Variants in MCUB observed in about 807,000 individuals in gnomAD.
MCUB encodes the protein mitochondrial calcium uniporter dominant negative subunit beta.
In MCUB, 46 loss-of-function variants were observed where a neutral mutation model predicts 41.4. The observed-to-expected ratio is 1.11, with a 90% CI of 0.88 to 1.42. MCUB has a LOEUF of 1.42. Ranked by LOEUF, MCUB falls within the 40% of genes most tolerant of loss-of-function variation. The pLI is 0.00. For missense variants in MCUB, 403 were observed against 404.9 expected, an observed-to-expected ratio of 1.00 and a Z score of 0.04; for synonymous variants, 148 against 148.2, an observed-to-expected ratio of 1.00 and a Z score of 0.01.
chr4:109,575,697 G>A (rs1208143308), intron 1 of MCUB, among the ~76,000 whole-genome samples: 1 of 152,078 alleles, frequency 6.6e-6, no homozygotes, highest in East Asian at 1.9e-4. Flanking sequence ...CCACCTTAAT[G>A]TATCTTTCAC....
chr4:109,629,358 A>G (rs1353969606), intron 1 of MCUB, among the ~76,000 whole-genome samples: 1 of 152,114 alleles, frequency 6.6e-6, no homozygotes, highest in Non-Finnish European at 1.5e-5. Flanking sequence ...TGTTTTTTCT[A>G]TTGTCTTAAC....
At position 109,687,541 on chromosome 4, in the gene MCUB, T is replaced by C. The variant is rs1348834004; in HGVS notation, c.960T>C (p.Arg320=). The C allele has an allele frequency of 1.2e-6, 2 of 1,612,968 alleles. No homozygotes were observed. Among genetic ancestry groups the C allele is most frequent in the Non-Finnish European group, 8.5e-7 (1 of 1,179,166 alleles). Residue 320 remains arginine (R), a synonymous_variant, in exon 8 of 8, where the codon CGT becomes CGC. Transcript: ENST00000394650. ...CTAAAGAATCCCTGAAACAGGCGCG[T>C]CATTCTCTCTGTTTGCAAATGCAAG... ...AKAKESLKQA[R]HSLCLQMQVE... is the part of the protein sequence containing the mutation.
At chr4:109,580,626 G>A (rs374402471) in intron 1 of MCUB, among the ~76,000 whole-genome samples, 1 of 152,160 alleles carries the variant, frequency 6.6e-6, no homozygotes, top group African/African-American at 2.4e-5. Flanking sequence ...TTCTCTGATG[G>A]CCAGTGATGA....
intron 1 of MCUB, among the ~76,000 whole-genome samples, chr4:109,566,515 C>A (rs537585037): frequency 1.3e-5 from 2 of 151,710 alleles, no homozygotes; most frequent in East Asian, 1.9e-4. Context: ...ACAGTTATTA[C>A]AACCACTAAG....
chr4:109,589,212 C>T (rs1260942699), intron 1 of MCUB, among the ~76,000 whole-genome samples: 1 of 152,126 alleles, frequency 6.6e-6, no homozygotes, highest in Non-Finnish European at 1.5e-5. Flanking sequence ...AGGTGCAGAC[C>T]ATGCCCGGCC....
At chr4:109,643,412 T>TGACCTCAAGTGATCCACCTGCC in intron 1 of MCUB, among the ~76,000 whole-genome samples, 1 of 152,092 alleles carries the variant, frequency 6.6e-6, no homozygotes, top group South Asian at 2.1e-4. Context: ...CTCCAACTCC[T>TGACCTCAAGTGATCCACCTGCC]GACCTCAAGT....
intron 1 of MCUB, among the ~76,000 whole-genome samples, chr4:109,645,839 C>T (rs1450981882): frequency 1.3e-5 from 2 of 152,210 alleles, no homozygotes; most frequent in African/African-American, 4.8e-5. Context: ...GCCAGTCCCC[C>T]TGCTCAGATG....
chr4:109,686,215 G>A (rs754552930), intron 7 of MCUB, among the ~76,000 whole-genome samples: 1 of 152,152 alleles, frequency 6.6e-6, no homozygotes, highest in African/African-American at 2.4e-5. Context: ...TCAGTTCACT[G>A]CAACCTCCGC....
At position 109,612,877 on chromosome 4, in the gene MCUB, C is replaced by A. The variant is rs570200707; in HGVS notation, c.100-46134C>A. On this transcript the variant is annotated intron_variant, in intron 1 of 7. Transcript: ENST00000394650. The stretch of plus-strand genomic sequence containing the variant: ...ATCCCAGCACTTTGGGAGGCCAAGG[C>A]GGGCGGATCACAAGGTCAGGAGATC... Among the ~76,000 whole-genome samples the A allele has an allele frequency of 3.7e-4, 56 of 152,198 alleles. 1 individual carries two copies. The highest frequency in any genetic ancestry group is 1.3e-3 in the African/African-American group (56 of 41,550).
At chr4:109,584,416 A>AT (rs1197521201) in intron 1 of MCUB, among the ~76,000 whole-genome samples, 3 of 151,756 alleles carry the variant, frequency 2.0e-5, no homozygotes, top group Admixed American at 6.6e-5. Flanking sequence ...GGATTCATTG[A>AT]TTTTTTTCTG....
At chr4:109,598,429 C>A (rs1260949739) in intron 1 of MCUB, among the ~76,000 whole-genome samples, 2 of 152,080 alleles carry the variant, frequency 1.3e-5, no homozygotes, top group African/African-American at 4.8e-5. Flanking sequence ...CCCGTCTCCA[C>A]CAAAAAAAAT....
intron 1 of MCUB, among the ~76,000 whole-genome samples, chr4:109,619,007 C>CCTAA (rs1728190600): frequency 7.1e-6 from 1 of 140,322 alleles, no homozygotes; most frequent in African/African-American, 2.6e-5. Context: ...AACCTACCTA[C>CCTAA]CTACCTACCT....
intron 1 of MCUB, among the ~76,000 whole-genome samples, chr4:109,654,645 C>T (rs1229223194): frequency 6.6e-6 from 1 of 152,118 alleles, no homozygotes; most frequent in Non-Finnish European, 1.5e-5. Context: ...AGATCAAGTT[C>T]TGAAACTACT....
chr4:109,573,887 TTTTGA>T (rs1726970153), intron 1 of MCUB, among the ~76,000 whole-genome samples: 1 of 150,034 alleles, frequency 6.7e-6, no homozygotes, highest in East Asian at 2.0e-4. Flanking sequence ...TTTTTTTTTT[TTTTGA>T]GACAGAGTTT....
intron 1 of MCUB, among the ~76,000 whole-genome samples, chr4:109,594,803 G>A (rs1579055614): frequency 6.6e-6 from 1 of 151,204 alleles, no homozygotes; most frequent in African/African-American, 2.4e-5. Flanking sequence ...AAGGAGAGAT[G>A]TATGGTCTTT....
At position 109,633,737 on chromosome 4, in the gene MCUB, C is replaced by A. The variant is rs140421525; in HGVS notation, c.100-25274C>A. Among the ~76,000 whole-genome samples the A allele has an allele frequency of 2.4e-3, 358 of 152,262 alleles. 2 individuals are homozygous for A. The highest frequency in any genetic ancestry group is 8.3e-3 in the African/African-American group (346 of 41,550). ...CATCTCAGACACCCAGGCATCAAAG[C>A]AAGGAAGACAACTTTGTTAGCACCA... On this transcript the variant is annotated intron_variant, in intron 1 of 7. Coordinates refer to ENST00000394650, the MANE Select transcript of MCUB (RefSeq NM_017918.5).
At chr4:109,583,123 T>G (rs570120089) in intron 1 of MCUB, among the ~76,000 whole-genome samples, 9 of 152,252 alleles carry the variant, frequency 5.9e-5, no homozygotes, top group East Asian at 1.9e-4. Context: ...GCTTGATGGG[T>G]ATGGCATTGA....
At chr4:109,646,629 A>G (rs1418999961) in intron 1 of MCUB, among the ~76,000 whole-genome samples, 1 of 152,214 alleles carries the variant, frequency 6.6e-6, no homozygotes. Flanking sequence ...AAGCTTGTGG[A>G]CAATGAGATG....
intron 1 of MCUB, among the ~76,000 whole-genome samples, chr4:109,645,781 A>G (rs186766744): frequency 7.2e-5 from 11 of 152,166 alleles, no homozygotes; most frequent in African/African-American, 2.4e-4. Flanking sequence ...ATCTCTACCT[A>G]CCATCTCTTC....
Sources: allele counts gnomAD v4.1 joint callset (sites outside exome capture counted in the v4.1 genomes callset), GRCh38; gene constraint gnomAD v4.1.1; transcripts MANE v1.5; gene names NCBI Gene and HGNC (gene_info 2026-07-23, HGNC 2026-07-21).